The following ZNF260 variants were observed in gnomAD, a reference collection of about 807,000 sequenced individuals.
ZNF260 encodes zinc finger protein 260, also known as zfp-260.
Under a neutral mutation model 29.3 loss-of-function variants are expected in ZNF260, and 21 were observed. That is an observed-to-expected ratio of 0.72 (90% CI 0.51 to 1.03). ZNF260 has a LOEUF of 1.03. ZNF260 is among the 50% of genes least tolerant of loss of function. The probability of loss-of-function intolerance (pLI) is 0.00; values close to 1 mark genes in which losing one functional copy is unlikely to be tolerated. For missense variants in ZNF260, 465 were observed against 487.8 expected, an observed-to-expected ratio of 0.95 and a Z score of 0.44; for synonymous variants, 156 against 156.8, an observed-to-expected ratio of 0.99 and a Z score of 0.04.
intron 2 of ZNF260, among the ~76,000 whole-genome samples, chr19:36,517,568 GGAA>G (rs2034572083): frequency 6.6e-6 from 1 of 152,158 alleles, no homozygotes; most frequent in Admixed American, 6.5e-5. Flanking sequence ...GGGCAAGAGT[GGAA>G]GGCAGGGCTT....
intron 2 of ZNF260, among the ~76,000 whole-genome samples, chr19:36,520,323 A>G (rs556165530): frequency 9.6e-4 from 146 of 152,210 alleles, no homozygotes; most frequent in African/African-American, 3.3e-3. Flanking sequence ...GTGGATTCTT[A>G]AGGAAAAACT....
chr19:36,524,988 T>G (rs2034710345), intron 2 of ZNF260, 167 bp downstream of exon 2: 1 of 152,066 alleles, frequency 6.6e-6, no homozygotes, highest in Non-Finnish European at 1.5e-5. Flanking sequence ...GAAATGTCAT[T>G]TAGGTATCTA....
chr19:36,527,230 C>T (rs1257671741), intron 1 of ZNF260, among the ~76,000 whole-genome samples: 1 of 152,208 alleles, frequency 6.6e-6, no homozygotes. Flanking sequence ...AGGCCAGAAA[C>T]TTAGAAACAC....
chr19:36,520,458 G>A (rs3111554), intron 2 of ZNF260, among the ~76,000 whole-genome samples: 96,719 of 151,896 alleles, frequency 0.64, 31,393 homozygotes, highest in Non-Finnish European at 0.68. Context: ...TAACCGATGC[G>A]AACTGAAACC....
At chr19:36,520,055 C>T (rs1345496416) in intron 2 of ZNF260, among the ~76,000 whole-genome samples, 1 of 151,152 alleles carries the variant, frequency 6.6e-6, no homozygotes, top group Non-Finnish European at 1.5e-5. Flanking sequence ...CAAAATTAGC[C>T]GGGTGTGGTG....
rs1471392660 is a variant in ZNF260 at position 36,513,274 on chromosome 19, G to A, written c.*726C>T. ...TACCATACTCAAGAGTGGAACTACC[G>A]GGTATTCTGGAATGTTTTAGAAGTT... On this transcript the variant is annotated 3_prime_UTR_variant, in exon 3 of 3. Transcript: ENST00000523638. 2 of 152,172 alleles carry A rather than the reference G, an allele frequency of 1.3e-5. No individual in the cohort carries two copies. The highest frequency in any genetic ancestry group is 2.9e-5 in the Non-Finnish European group (2 of 68,082). The allele number at this position is 152,172 out of a possible 1,614,324, so 9.4% of individuals were successfully genotyped here.
intron 2 of ZNF260, among the ~76,000 whole-genome samples, chr19:36,521,810 G>A (rs1036996149): frequency 3.3e-5 from 5 of 151,704 alleles, no homozygotes; most frequent in South Asian, 2.1e-4. Context: ...AGCACTTTGG[G>A]AGGTGGAGGC....
At position 36,511,943 on chromosome 19, in the gene ZNF260, C is replaced by T. The variant is rs151248681; in HGVS notation, c.*2057G>A. The T allele has an allele frequency of 2.6e-5, 4 of 152,248 alleles. No individual in the cohort carries two copies. The highest frequency in any genetic ancestry group is 1.3e-4 in the Admixed American group (2 of 15,292). 9.4% of individuals were successfully genotyped at this position (152,248 alleles called of 1,614,324 possible). The stretch of plus-strand genomic sequence containing the variant: ...AAATTGAAGAGTGACACAGTTTTCT[C>T]ATTTTAAAAGTGGCTAATTTCTAAT... On this transcript the variant is annotated 3_prime_UTR_variant, in exon 3 of 3. Transcript: ENST00000523638.
rs1161800457 is a variant in ZNF260, at chr19:36,524,423, C to A, written c.-462+732G>T. Among the ~76,000 whole-genome samples, 10 of 152,056 alleles carry A rather than the reference C, an allele frequency of 6.6e-5. No individual in the cohort carries two copies. The East Asian group carries it at 1.5e-3, about 23-fold the overall frequency. ...CGTGATCTCCTGACCTCGTGATCCG[C>A]CAGCCTCGGCCTCCCAAAGTGCTGG... On this transcript the variant is annotated intron_variant, in intron 2 of 2. Transcript: ENST00000523638.
At chr19:36,519,844 C>T (rs1252674440) in intron 2 of ZNF260, among the ~76,000 whole-genome samples, 5 of 151,968 alleles carry the variant, frequency 3.3e-5, no homozygotes, top group Non-Finnish European at 7.4e-5. Flanking sequence ...TAAAAGCTTA[C>T]ATCATTTTAA....
chr19:36,521,963 C>T (rs1343936605), intron 2 of ZNF260, among the ~76,000 whole-genome samples: 3 of 151,890 alleles, frequency 2.0e-5, no homozygotes, highest in South Asian at 2.1e-4. Flanking sequence ...GCAGCAGAAT[C>T]GCTTGAACCT....
intron 2 of ZNF260, among the ~76,000 whole-genome samples, chr19:36,517,075 C>T (rs562850176): frequency 1.2e-4 from 18 of 152,160 alleles, no homozygotes; most frequent in Admixed American, 2.0e-4. Flanking sequence ...AAGAACTAAA[C>T]GGTTAAGAAG....
chr19:36,519,286 C>T (rs1325080219), intron 2 of ZNF260, among the ~76,000 whole-genome samples: 1 of 152,040 alleles, frequency 6.6e-6, no homozygotes, highest in Admixed American at 6.6e-5. Context: ...AAAGGTTATA[C>T]AAGAAATCAA....
In ZNF260 at chr19:36,511,799, A is replaced by G. The variant is rs73931029; in HGVS notation, c.*2201T>C. On this transcript the variant is annotated 3_prime_UTR_variant, in exon 3 of 3. Coordinates refer to ENST00000523638, the MANE Select transcript of ZNF260 (RefSeq NM_001166037.2). ...TTTTTCAGCACGGTCTTCCCAAGGT[A>G]ACAAGGGGGTTGGGATTGACTTGGG... 315 of 152,136 alleles carry G rather than the reference A, an allele frequency of 2.1e-3. 1 individual carries two copies. Among genetic ancestry groups the G allele is most frequent in the African/African-American group, 7.2e-3 (300 of 41,556 alleles). The allele number at this position is 152,136 out of a possible 1,614,324, so 9.4% of individuals were successfully genotyped here. A position where few individuals can be genotyped will look rare whatever the true frequency, so the allele number is the denominator to read the frequency against.
In ZNF260 at chr19:36,514,534, G is replaced by A. The variant is rs2034510329; in HGVS notation, c.705C>T (p.Leu235=). The change falls in exon 3 of 3, where the codon CTC becomes CTT. Residue 235 remains leucine (L), a synonymous_variant. Coordinates refer to ENST00000523638, the MANE Select transcript of ZNF260 (RefSeq NM_001166037.2). ...CTGTGTGACTTCTCTGGTGTCTAAT[G>A]AGGCTTGACTTCTGAATGAAAGCTT... ...CGKAFIQKSS[L]IRHQRSHTGE... 1.9e-6 allele frequency: 3 copies of A among 1,613,830 alleles called. No individual in the cohort carries two copies. The highest frequency in any genetic ancestry group is 2.2e-5 in the South Asian group (2 of 91,070).
At chr19:36,524,688 G>C (rs1012606195) in intron 2 of ZNF260, among the ~76,000 whole-genome samples, 1 of 151,828 alleles carries the variant, frequency 6.6e-6, no homozygotes, top group Non-Finnish European at 1.5e-5. Context: ...GTGTCCCTGG[G>C]TACTTAAGAT....
chr19:36,527,433 C>T (rs2034754355), intron 1 of ZNF260, among the ~76,000 whole-genome samples: 1 of 152,158 alleles, frequency 6.6e-6, no homozygotes, highest in Admixed American at 6.5e-5. Flanking sequence ...AGATAGGATA[C>T]TTCTATCTTT....
chr19:36,520,619 A>G (rs1202992159), intron 2 of ZNF260, among the ~76,000 whole-genome samples: 1 of 152,130 alleles, frequency 6.6e-6, no homozygotes, highest in Non-Finnish European at 1.5e-5. Flanking sequence ...TTGGGAGGCC[A>G]AGGCAGGCAG....
At chr19:36,525,632 C>T (rs1222041327) in intron 1 of ZNF260, among the ~76,000 whole-genome samples, 1 of 151,714 alleles carries the variant, frequency 6.6e-6, no homozygotes, top group Non-Finnish European at 1.5e-5. Context: ...ACTAAAAATA[C>T]AAAAATTAGC....
Sources: gnomAD v4.1 joint callset for allele counts (sites outside exome capture counted in the v4.1 genomes callset) on GRCh38, gnomAD v4.1.1 for gene constraint, MANE v1.5 for transcripts, NCBI Gene and HGNC (gene_info 2026-07-23, HGNC 2026-07-21) for gene names.